SPPL3: variants seen among roughly 807,000 people sequenced by gnomAD.
The protein encoded by SPPL3 is signal peptide peptidase like 3.
Under a neutral mutation model 42.4 loss-of-function variants are expected in SPPL3, and 5 were observed. The ratio of observed to expected loss-of-function variants is 0.12; its 90% CI spans 0.06 to 0.25. The LOEUF (loss-of-function observed/expected upper bound fraction) is 0.25, where lower values mean the gene tolerates loss of function less well. Among genes scored for constraint, SPPL3 ranks in the 10% least tolerant of loss-of-function variants. SPPL3 has a pLI of 1.00. For synonymous variants in SPPL3, 195 were observed against 181.8 expected, an observed-to-expected ratio of 1.07 and a Z score of -0.58; for missense variants, 235 against 489.0, an observed-to-expected ratio of 0.48 and a Z score of 4.90.
chr12:120,902,272 A>G (rs1424311241), intron 1 of SPPL3, among the ~76,000 whole-genome samples: 2 of 152,204 alleles, frequency 1.3e-5, no homozygotes, highest in Admixed American at 6.5e-5. Context: ...ACATACATCA[A>G]TGAAGTTCTC....
intron 7 of SPPL3, 21 bp from the exon 8 acceptor site, chr12:120,768,509 C>G: frequency 6.3e-7 from 1 of 1,599,652 alleles, no homozygotes; most frequent in Non-Finnish European, 8.5e-7. Context: ...GGAGAGATGC[C>G]TTTAACAGAG....
chr12:120,803,770 T>C (rs1207478936), intron 2 of SPPL3, among the ~76,000 whole-genome samples: 1 of 152,186 alleles, frequency 6.6e-6, no homozygotes, highest in East Asian at 1.9e-4. Context: ...AAAAAACTTG[T>C]CTACACACGC....
At chr12:120,856,428 A>C (rs1382473905) in intron 1 of SPPL3, among the ~76,000 whole-genome samples, 1 of 151,762 alleles carries the variant, frequency 6.6e-6, no homozygotes, top group Non-Finnish European at 1.5e-5. Flanking sequence ...GGCAGAGCAG[A>C]AGAATACACA....
intron 1 of SPPL3, among the ~76,000 whole-genome samples, chr12:120,840,827 C>T (rs1412296347): frequency 6.6e-6 from 1 of 151,370 alleles, no homozygotes; most frequent in Admixed American, 6.6e-5. Flanking sequence ...GAGTGAGACC[C>T]GGTCTGAAAA....
intron 1 of SPPL3, among the ~76,000 whole-genome samples, chr12:120,886,204 G>A (rs142660253): frequency 1.3e-5 from 2 of 151,816 alleles, no homozygotes; most frequent in African/African-American, 4.8e-5. Context: ...GACTGACTAG[G>A]AGACACAATC....
At chr12:120,874,452 CAAAAAA>C (rs71076673) in intron 1 of SPPL3, among the ~76,000 whole-genome samples, 4 of 97,432 alleles carry the variant, frequency 4.1e-5, no homozygotes, top group Admixed American at 1.1e-4. Flanking sequence ...GACCCTGTCG[CAAAAAA>C]AAAAAAAAAA....
intron 3 of SPPL3, among the ~76,000 whole-genome samples, chr12:120,789,601 G>T (rs1465228160): frequency 6.6e-6 from 1 of 151,538 alleles, no homozygotes; most frequent in Non-Finnish European, 1.5e-5. Context: ...GAAGTGGATG[G>T]ATCACTTGAG....
At chr12:120,837,156 GACTA>G (rs1404634063) in intron 1 of SPPL3, among the ~76,000 whole-genome samples, 1 of 152,162 alleles carries the variant, frequency 6.6e-6, no homozygotes, top group Admixed American at 6.5e-5. Flanking sequence ...AGATTTGTAA[GACTA>G]ACTGGCTGTA....
intron 2 of SPPL3, among the ~76,000 whole-genome samples, chr12:120,799,466 T>C (rs537493836): frequency 6.6e-6 from 1 of 152,272 alleles, no homozygotes; most frequent in South Asian, 2.1e-4. Context: ...CAGAAAGTAG[T>C]GGTCAACTTC....
intron 1 of SPPL3, among the ~76,000 whole-genome samples, chr12:120,892,981 C>CG (rs1224847689): frequency 2.5e-3 from 50 of 19,804 alleles, no homozygotes; most frequent in Non-Finnish European, 5.0e-3. Flanking sequence ...GACTCTGTCT[C>CG]GGGAAAAAAA....
intron 2 of SPPL3, among the ~76,000 whole-genome samples, chr12:120,792,726 T>C (rs1414313180): frequency 6.6e-6 from 1 of 151,752 alleles, no homozygotes; most frequent in Non-Finnish European, 1.5e-5. Flanking sequence ...AAAAGTTGTT[T>C]TTTTGCAAAA....
intron 9 of SPPL3, among the ~76,000 whole-genome samples, 200 bp from the exon 10 acceptor site, chr12:120,766,572 T>G (rs1050386338): frequency 6.6e-6 from 1 of 152,214 alleles, no homozygotes; most frequent in Non-Finnish European, 1.5e-5. Context: ...CAAGGACACA[T>G]GACTGACCCA....
At chr12:120,808,086 CTTT>C (rs63135760) in intron 2 of SPPL3, among the ~76,000 whole-genome samples, 3 of 132,800 alleles carry the variant, frequency 2.3e-5, no homozygotes, top group African/African-American at 2.9e-5. Context: ...AGTTTCTTTT[CTTT>C]TTTTTTTTTT....
chr12:120,877,706 G>A (rs1170043031), intron 1 of SPPL3, among the ~76,000 whole-genome samples: 2 of 151,752 alleles, frequency 1.3e-5, no homozygotes, highest in Admixed American at 6.6e-5. Flanking sequence ...GCTTGAACCT[G>A]GGAGGTGGAG....
At chr12:120,878,941 C>T (rs1478247137) in intron 1 of SPPL3, among the ~76,000 whole-genome samples, 1 of 151,570 alleles carries the variant, frequency 6.6e-6, no homozygotes, top group Non-Finnish European at 1.5e-5. Context: ...TGGAGAAACC[C>T]CGTCTCTACA....
At chr12:120,840,959 C>A (rs150363111) in intron 1 of SPPL3, among the ~76,000 whole-genome samples, 1 of 143,118 alleles carries the variant, frequency 7.0e-6, no homozygotes, top group East Asian at 2.1e-4. Flanking sequence ...TTCATTCATT[C>A]ATTAATAAAT....
intron 2 of SPPL3, among the ~76,000 whole-genome samples, chr12:120,795,128 T>TG (rs1306741253): frequency 6.6e-6 from 1 of 152,124 alleles, no homozygotes; most frequent in African/African-American, 2.4e-5. Flanking sequence ...CATTCATTCT[T>TG]TCATTCATCT....
At chr12:120,812,054 G>C (rs1193556909) in intron 1 of SPPL3, among the ~76,000 whole-genome samples, 2 of 148,430 alleles carry the variant, frequency 1.3e-5, no homozygotes, top group African/African-American at 5.0e-5. Flanking sequence ...GCAGAGGGAA[G>C]AATTGCAGTG....
At chr12:120,852,885 T>C (rs1872304850) in intron 1 of SPPL3, among the ~76,000 whole-genome samples, 1 of 109,436 alleles carries the variant, frequency 9.1e-6, no homozygotes, top group African/African-American at 5.1e-5. Context: ...ATATCATATA[T>C]ATTTCATATA....
Sources: gnomAD v4.1 joint callset for allele counts (sites outside exome capture counted in the v4.1 genomes callset) on GRCh38, gnomAD v4.1.1 for gene constraint, MANE v1.5 for transcripts, NCBI Gene and HGNC (gene_info 2026-07-23, HGNC 2026-07-21) for gene names.